Variants in SORCS2 observed in about 807,000 individuals in gnomAD.
The protein encoded by SORCS2 is VPS10 domain-containing receptor SorCS2.
SORCS2 carries 100 observed loss-of-function variants against 141.6 expected under a neutral mutation model. That is an observed-to-expected ratio of 0.71 (90% CI 0.60 to 0.83). The LOEUF is 0.83. Ranked by LOEUF, SORCS2 falls within the 40% of genes least tolerant of loss-of-function variation. The pLI is 0.00. For synonymous variants in SORCS2, 789 were observed against 676.9 expected (o/e 1.17, Z -2.57); for missense variants, 1,646 against 1,560.2 (o/e 1.05, Z -0.93).
chr4:7,233,662 G>A lies in SORCS2; in HGVS notation c.480+40536G>A, dbSNP rs1488624402. On this transcript the variant is annotated intron_variant, in intron 1 of 26. Coordinates refer to ENST00000507866, the MANE Select transcript of SORCS2 (RefSeq NM_020777.3). This position sits in a 1 kb window ranked among gnomAD's most constrained non-coding sequence, Gnocchi z 4.5. ...GTTCTAAGGTCCCCAGGTAATACTG[G>A]CCTGGTCCCCCGTCTGATGCTGCAG... Among the ~76,000 whole-genome samples the A allele has an allele frequency of 6.6e-6, 1 of 152,120 alleles. No homozygotes were observed. The highest frequency in any genetic ancestry group is 2.4e-5 in the African/African-American group (1 of 41,398).
At chr4:7,634,363 C>T (rs1720095648) in intron 3 of SORCS2, among the ~76,000 whole-genome samples, 2 of 128,072 alleles carry the variant, frequency 1.6e-5, no homozygotes, top group South Asian at 5.7e-4. Flanking sequence ...CAGAGCGAGA[C>T]TGTGTCTCAA....
At chr4:7,351,616 G>A (rs923558015) in intron 1 of SORCS2, among the ~76,000 whole-genome samples, 3 of 151,988 alleles carry the variant, frequency 2.0e-5, no homozygotes, top group African/African-American at 7.2e-5. Flanking sequence ...ATGCTCCTCT[G>A]AAAAATCAGA....
At position 7,719,938 on chromosome 4, in the gene SORCS2, C is replaced by CACCCCACCA. The variant is rs1726468812; in HGVS notation, c.2424+1757_2424+1758insCCCACCAAC. ...TGGTGGGGAGAGTCAACCCCCACCC[C>CACCCCACCA]ACTGTGCACCTACTGTCGGGAAGAG... On this transcript the variant is annotated intron_variant, in intron 18 of 26. Transcript: ENST00000507866. Among the ~76,000 whole-genome samples the CACCCCACCA allele has an allele frequency of 2.0e-5, 3 of 152,126 alleles. 1 individual carries two copies. The highest frequency in any genetic ancestry group is 2.0e-4 in the Admixed American group (3 of 15,274).
chr4:7,691,891 T>A (rs1417098004), intron 11 of SORCS2, among the ~76,000 whole-genome samples: 1 of 151,876 alleles, frequency 6.6e-6, no homozygotes, highest in Non-Finnish European at 1.5e-5. Flanking sequence ...TCCCAACATC[T>A]CTCAGTGCAC....
intron 5 of SORCS2, among the ~76,000 whole-genome samples, chr4:7,654,927 A>G (rs1165540070): frequency 6.6e-6 from 1 of 152,110 alleles, no homozygotes; most frequent in Non-Finnish European, 1.5e-5. Flanking sequence ...GGAGCCTCTC[A>G]GTGTGCCCCC....
In SORCS2 at chr4:7,453,513, G is replaced by A. The variant is rs1017080469; in HGVS notation, c.548+57158G>A. 6.5e-5 allele frequency among the ~76,000 whole-genome samples: 9 copies of A among 138,752 alleles called. 1 individual carries two copies. Among genetic ancestry groups the A allele is most frequent in the Non-Finnish European group, 1.1e-4 (7 of 65,636 alleles). 91.0% of individuals were successfully genotyped at this position (138,752 alleles called of 152,430 possible). ...GTCAGGCTCCATGTTAGTGTCATGCGCCACGTTAGGGTCAGGCACTGTGTT... is the reference window on the plus strand; with the variant it reads ...GTCAGGCTCCATGTTAGTGTCATGCACCACGTTAGGGTCAGGCACTGTGTT... On this transcript the variant is annotated intron_variant, in intron 2 of 26. Transcript: ENST00000507866.
In SORCS2 at chr4:7,390,479, C is replaced by A. The variant is rs193251153; in HGVS notation, c.481-5809C>A. 1.1e-3 allele frequency among the ~76,000 whole-genome samples: 164 copies of A among 152,278 alleles called. 1 individual carries two copies. Among genetic ancestry groups the A allele is most frequent in the African/African-American group, 3.8e-3 (157 of 41,554 alleles). ...AAGAGCAAACCTGGTAAAGACGAAGCTTGGGGGAACTGGGCGCTCATGCAG... is the reference window on the plus strand; with the variant it reads ...AAGAGCAAACCTGGTAAAGACGAAGATTGGGGGAACTGGGCGCTCATGCAG... On this transcript the variant is annotated intron_variant, in intron 1 of 26. Transcript: ENST00000507866.
intron 4 of SORCS2, among the ~76,000 whole-genome samples, chr4:7,651,109 T>G (rs531610110): frequency 2.0e-5 from 3 of 151,492 alleles, no homozygotes; most frequent in South Asian, 2.1e-4. Context: ...CACCTAGGAG[T>G]TAGGGATGAA....
At chr4:7,714,961 C>T (rs2109041869) in intron 16 of SORCS2, among the ~76,000 whole-genome samples, 1 of 152,278 alleles carries the variant, frequency 6.6e-6, no homozygotes. Context: ...AGGCAGCCCT[C>T]CAGGTTTCTC....
intron 1 of SORCS2, among the ~76,000 whole-genome samples, chr4:7,302,766 C>CGTGTGTGTGTGTGTGT (rs766083519): frequency 1.3e-4 from 7 of 51,944 alleles, no homozygotes; most frequent in South Asian, 7.8e-4. Context: ...AGACAGTCCA[C>CGTGTGTGTGTGTGTGT]ATATGTGTGT....
chr4:7,726,073 C>T (rs956607982), intron 20 of SORCS2, among the ~76,000 whole-genome samples: 4 of 152,174 alleles, frequency 2.6e-5, no homozygotes, highest in Admixed American at 6.5e-5. Flanking sequence ...CCTGTCTCTG[C>T]GGCAACATGG....
At chr4:7,511,912 G>A (rs1732678146) in intron 2 of SORCS2, among the ~76,000 whole-genome samples, 1 of 152,178 alleles carries the variant, frequency 6.6e-6, no homozygotes, top group Admixed American at 6.5e-5. Flanking sequence ...ATTACCCAGG[G>A]CCCAAATCCC....
At chr4:7,548,853 A>G (rs1031289191) in intron 3 of SORCS2, among the ~76,000 whole-genome samples, 8 of 152,340 alleles carry the variant, frequency 5.3e-5, no homozygotes, top group South Asian at 4.1e-4. Flanking sequence ...GAGGAAGGCA[A>G]TAGCCTAAAA....
At chr4:7,259,130 A>G (rs1714138618) in intron 1 of SORCS2, among the ~76,000 whole-genome samples, 1 of 152,136 alleles carries the variant, frequency 6.6e-6, no homozygotes, top group South Asian at 2.1e-4. Flanking sequence ...CTTTCGTTTA[A>G]TTAGATCCCT....
At chr4:7,533,935 C>T (rs28564423) in intron 3 of SORCS2, among the ~76,000 whole-genome samples, 42,402 of 151,748 alleles carry the variant, frequency 0.28, 8,410 homozygotes, top group African/African-American at 0.57. Context: ...GCTGGGGCTG[C>T]GATGTGGGGT....
chr4:7,433,391 T>G, intron 2 of SORCS2: 1 of 1,498,232 alleles, frequency 6.7e-7, no homozygotes, highest in Non-Finnish European at 8.9e-7. Flanking sequence ...TTGCACAGCT[T>G]GGCGGCCTCC....
rs368164847 is a variant in SORCS2 at position 7,474,336 on chromosome 4, C to A, written c.549-57194C>A. Among the ~76,000 whole-genome samples the A allele has an allele frequency of 3.6e-4, 55 of 152,330 alleles. No individual in the cohort carries two copies. In the East Asian group the frequency reaches 5.0e-3, roughly 14 times the overall value. On this transcript the variant is annotated intron_variant, in intron 2 of 26. Coordinates refer to ENST00000507866, the MANE Select transcript of SORCS2 (RefSeq NM_020777.3). The stretch of plus-strand genomic sequence containing the variant: ...TTGGCTCTGCCTGAGTGGCTCCTGT[C>A]CCCTCTCCAGCCTCTCTTTATGGCC...
intron 1 of SORCS2, among the ~76,000 whole-genome samples, chr4:7,269,289 C>A (rs183638530): frequency 6.6e-6 from 1 of 152,156 alleles, no homozygotes; most frequent in Non-Finnish European, 1.5e-5. Flanking sequence ...GGCAAGTGAC[C>A]GGCAGGAAGG....
At chr4:7,314,351 A>T (rs13124845) in intron 1 of SORCS2, among the ~76,000 whole-genome samples, 3,079 of 77,126 alleles carry the variant, frequency 0.04, 80 homozygotes, top group African/African-American at 0.05. Context: ...ATTTTTTTTT[A>T]TTTTTTGAGA....
Sources: gnomAD v4.1 joint callset for allele counts (sites outside exome capture counted in the v4.1 genomes callset) on GRCh38, gnomAD v4.1.1 for gene constraint, Gnocchi (gnomAD v3.1) non-coding constraint, MANE v1.5 for transcripts, NCBI Gene and HGNC (gene_info 2026-07-23, HGNC 2026-07-21) for gene names.